ABCB11: variants seen among roughly 807,000 people sequenced by gnomAD.
The protein encoded by ABCB11 is ATP binding cassette subfamily B member 11.
In ABCB11, 95 loss-of-function variants were observed where a neutral mutation model predicts 148.0. That is an observed-to-expected ratio of 0.64 (90% confidence interval 0.54 to 0.76). The LOEUF (loss-of-function observed/expected upper bound fraction) is 0.76, where lower values mean the gene tolerates loss of function less well. Ranked by LOEUF, ABCB11 falls within the 30% of genes least tolerant of loss-of-function variation. ABCB11 has a pLI of 0.00. For synonymous variants in ABCB11, 591 were observed against 555.4 expected (o/e 1.06, Z -0.90); for missense variants, 1,523 against 1,617.8 (o/e 0.94, Z 1.01).
rs1369779023 is a variant in ABCB11, at chr2:168,928,554, TGAAATGCAA to T, written c.3412-1201_3412-1193del. Reference sequence around the variant, plus strand: ...GTTGTAACAAAATATACTGTGCCTATGAAATGCAAGAAGTCATAATGATTTCCTTATTGG... The same window carrying T: ...GTTGTAACAAAATATACTGTGCCTATGAAGTCATAATGATTTCCTTATTGG... On this transcript the variant is annotated intron_variant, in intron 25 of 27. Coordinates refer to ENST00000650372, the MANE Select transcript of ABCB11 (RefSeq NM_003742.4). 5.3e-5 allele frequency among the ~76,000 whole-genome samples: 8 copies of T among 152,352 alleles called. No homozygotes were observed. In the South Asian group the frequency reaches 1.7e-3, roughly 32 times the overall value.
intron 25 of ABCB11, among the ~76,000 whole-genome samples, chr2:168,928,854 A>G (rs1240344443): frequency 6.6e-6 from 1 of 152,192 alleles, no homozygotes; most frequent in Non-Finnish European, 1.5e-5. Context: ...TACAATCTTT[A>G]TACCTCAACT....
intron 14 of ABCB11, 151 bp downstream of exon 14, chr2:168,971,696 C>T (rs901251668): frequency 8.7e-6 from 6 of 689,170 alleles, no homozygotes; most frequent in Non-Finnish European, 1.5e-5. Context: ...TGAAAGGAAA[C>T]ACTCATGGTA....
chr2:168,935,594 A>G (rs962197168), intron 22 of ABCB11, among the ~76,000 whole-genome samples, 169 bp from the exon 23 acceptor site: 9 of 152,208 alleles, frequency 5.9e-5, no homozygotes, highest in Non-Finnish European at 1.2e-4. Context: ...CAACTGGACC[A>G]CGAGACAATT....
chr2:168,932,539 A>G lies in ABCB11; in HGVS notation c.3057-6T>C. On this transcript the variant is annotated splice_region_variant and splice_polypyrimidine_tract_variant and intron_variant, in intron 23 of 27. Transcript: ENST00000650372. ...GTACAACTGCAGAGATCACCCTGTA[A>G]CCAGACAGACACACAGGAAGAGAGC... is the stretch of plus-strand genomic sequence containing the variant. The G allele has an allele frequency of 6.2e-7, 1 of 1,612,760 alleles. No homozygotes were observed.
chr2:169,029,547 C>G (rs1695798772), intron 1 of ABCB11, among the ~76,000 whole-genome samples: 1 of 152,030 alleles, frequency 6.6e-6, no homozygotes, highest in African/African-American at 2.4e-5. Flanking sequence ...GCCCTGAGGG[C>G]TATGGCTGAT....
At chr2:168,919,048 GT>G (rs199861492), downstream of ABCB11, among the ~76,000 whole-genome samples, 1,217 of 151,786 alleles carry the variant, frequency 8.0e-3, 19 homozygotes, top group African/African-American at 0.028. Flanking sequence ...TTGTTTAAAT[GT>G]TTAACTGTTT....
chr2:168,945,002 T>C, intron 19 of ABCB11, 41 bp from the exon 20 acceptor site: 3 of 1,317,784 alleles, frequency 2.3e-6, no homozygotes, highest in Non-Finnish European at 3.1e-6. Context: ...TTATTATAAA[T>C]AGAAAAATAA....
At chr2:168,991,567 T>A (rs1294843819) in intron 8 of ABCB11, among the ~76,000 whole-genome samples, 1 of 151,882 alleles carries the variant, frequency 6.6e-6, no homozygotes, top group African/African-American at 2.4e-5. Context: ...CACAGATTAA[T>A]AAATAAGAAG....
chr2:168,972,589 T>A (rs985953024), intron 13 of ABCB11, among the ~76,000 whole-genome samples: 9 of 152,026 alleles, frequency 5.9e-5, no homozygotes, highest in African/African-American at 2.2e-4. Context: ...AACTATGATT[T>A]CTATATATTC....
intron 12 of ABCB11, among the ~76,000 whole-genome samples, chr2:168,974,691 A>G (rs1693736509): frequency 6.6e-6 from 1 of 152,022 alleles, no homozygotes; most frequent in Non-Finnish European, 1.5e-5. Context: ...ATAAATACAT[A>G]TAGGTTTAAG....
At chr2:168,920,063 G>A (rs988326600), downstream of ABCB11, among the ~76,000 whole-genome samples, 1 of 151,770 alleles carries the variant, frequency 6.6e-6, no homozygotes, top group Admixed American at 6.6e-5. Context: ...ATGGGGTTTC[G>A]CCAGGTTGCC....
At chr2:169,011,580 T>C (rs1248853393) in intron 5 of ABCB11, among the ~76,000 whole-genome samples, 1 of 152,232 alleles carries the variant, frequency 6.6e-6, no homozygotes, top group African/African-American at 2.4e-5. Context: ...CTGTGTTTTC[T>C]GTCAGGTACC....
intron 21 of ABCB11, among the ~76,000 whole-genome samples, chr2:168,940,819 A>C (rs984350693): frequency 5.3e-5 from 8 of 152,064 alleles, no homozygotes; most frequent in African/African-American, 1.9e-4. Context: ...TTTAAGTTGA[A>C]GCTTACCATT....
At chr2:168,984,527 T>G (rs1232599312) in intron 10 of ABCB11, among the ~76,000 whole-genome samples, 1 of 152,152 alleles carries the variant, frequency 6.6e-6, no homozygotes, top group East Asian at 1.9e-4. Context: ...CCTGTTCAGT[T>G]AAGGCTGTTA....
downstream of ABCB11, among the ~76,000 whole-genome samples, chr2:168,920,019 C>T (rs1691029261): frequency 6.6e-6 from 1 of 152,050 alleles, no homozygotes; most frequent in Admixed American, 6.6e-5. Context: ...GCCACCATGC[C>T]TGGCTAATTT....
intron 1 of ABCB11, among the ~76,000 whole-genome samples, chr2:169,026,859 C>G (rs1695712408): frequency 6.6e-6 from 1 of 152,080 alleles, no homozygotes; most frequent in Non-Finnish European, 1.5e-5. Flanking sequence ...TCATTTGGCA[C>G]TTTCTATGAT....
chr2:169,002,310 C>G (rs1694899796), intron 5 of ABCB11, among the ~76,000 whole-genome samples: 1 of 151,798 alleles, frequency 6.6e-6, no homozygotes, highest in South Asian at 2.1e-4. Context: ...CAAGTGATGG[C>G]AAGAATGTGG....
At chr2:168,925,573 G>A (rs544639305) in intron 26 of ABCB11, among the ~76,000 whole-genome samples, 9 of 152,144 alleles carry the variant, frequency 5.9e-5, no homozygotes, top group African/African-American at 1.9e-4. Context: ...AAAATGGTGC[G>A]AGGACAAGTA....
chr2:168,959,936 A>AAAAAAAAAAAAAAAAAAAAAAAAC (rs1692987179), intron 18 of ABCB11, among the ~76,000 whole-genome samples: 1 of 33,232 alleles, frequency 3.0e-5, no homozygotes, highest in Non-Finnish European at 4.8e-5. Context: ...TGCATCTCCA[A>AAAAAAAAAAAAAAAAAAAAAAAAC]AAAAAAAAAA....
Sources: gnomAD v4.1 joint callset for allele counts (sites outside exome capture counted in the v4.1 genomes callset) on GRCh38, gnomAD v4.1.1 for gene constraint, MANE v1.5 for transcripts, NCBI Gene and HGNC (gene_info 2026-07-23, HGNC 2026-07-21) for gene names.